YEATS2: variants seen among roughly 807,000 people sequenced by gnomAD.
YEATS2 encodes YEATS domain-containing protein 2.
YEATS2 carries 77 observed loss-of-function variants against 163.2 expected under a neutral mutation model. The ratio of observed to expected loss-of-function variants is 0.47; its 90% CI spans 0.39 to 0.57. The LOEUF (loss-of-function observed/expected upper bound fraction) is 0.57. YEATS2 is among the 20% of genes least tolerant of loss of function. The pLI is 0.00. For synonymous variants in YEATS2, 631 were observed against 645.1 expected (o/e 0.98, Z 0.33); for missense variants, 1,549 against 1,729.8 (o/e 0.90, Z 1.85).
At chr3:183,726,962 T>G (rs1717173197) in intron 6 of YEATS2, among the ~76,000 whole-genome samples, 1 of 152,072 alleles carries the variant, frequency 6.6e-6, no homozygotes, top group Non-Finnish European at 1.5e-5. Context: ...CCGCCACACC[T>G]GGATAATTTT....
intron 8 of YEATS2, among the ~76,000 whole-genome samples, chr3:183,745,648 A>C (rs1719452511): frequency 6.6e-6 from 1 of 152,162 alleles, no homozygotes; most frequent in African/African-American, 2.4e-5. Flanking sequence ...TAAATATTAG[A>C]GTTACATAAA....
chr3:183,767,659 G>T (rs1722041822), intron 15 of YEATS2, among the ~76,000 whole-genome samples: 1 of 152,242 alleles, frequency 6.6e-6, no homozygotes, highest in Non-Finnish European at 1.5e-5. Context: ...AGGATTACAG[G>T]TGTGAGCCAT....
intron 1 of YEATS2, among the ~76,000 whole-genome samples, chr3:183,707,044 C>T (rs1166367288): frequency 2.0e-5 from 3 of 152,086 alleles, no homozygotes; most frequent in Non-Finnish European, 4.4e-5. Flanking sequence ...ATTTATGAAG[C>T]GTAAATGAAT....
intron 23 of YEATS2, 50 bp downstream of exon 23, chr3:183,799,039 AT>A: frequency 7.2e-7 from 1 of 1,398,256 alleles, no homozygotes; most frequent in Non-Finnish European, 1.0e-6. Flanking sequence ...TTACTTTTTT[AT>A]TGTCGTTCAC....
chr3:183,760,148 C>G (rs1395930169), intron 13 of YEATS2, among the ~76,000 whole-genome samples: 2 of 152,110 alleles, frequency 1.3e-5, no homozygotes, highest in East Asian at 3.8e-4. Flanking sequence ...ATATGAATGT[C>G]TGAATTATAG....
intron 9 of YEATS2, among the ~76,000 whole-genome samples, chr3:183,747,940 T>G (rs1178707921): frequency 1.3e-5 from 2 of 151,502 alleles, no homozygotes; most frequent in Non-Finnish European, 2.9e-5. Flanking sequence ...CCACCATGCC[T>G]GGCTAATTTT....
intron 7 of YEATS2, among the ~76,000 whole-genome samples, chr3:183,734,517 G>A (rs150994276): frequency 8.5e-4 from 129 of 152,334 alleles, no homozygotes; most frequent in Admixed American, 1.4e-3. Context: ...TGCTACTGCT[G>A]TTGTGAGGAA....
intron 7 of YEATS2, among the ~76,000 whole-genome samples, chr3:183,734,413 T>C (rs1479948472): frequency 6.6e-6 from 1 of 151,914 alleles, no homozygotes; most frequent in African/African-American, 2.4e-5. Context: ...TTTCATAGAG[T>C]GGTTGTAAGG....
intron 7 of YEATS2, among the ~76,000 whole-genome samples, chr3:183,735,087 C>T (rs528425051): frequency 1.8e-4 from 27 of 152,286 alleles, no homozygotes; most frequent in Admixed American, 6.5e-5. Flanking sequence ...TGTCTGTCTT[C>T]TCTGGCAGCA....
intron 9 of YEATS2, among the ~76,000 whole-genome samples, chr3:183,748,257 CTTTTT>C (rs1232220476): frequency 7.4e-6 from 1 of 135,438 alleles, no homozygotes; most frequent in Non-Finnish European, 1.6e-5. Flanking sequence ...CCTTCCCCTC[CTTTTT>C]TTTTTTTTTT....
chr3:183,765,369 A>C (rs980392878), intron 15 of YEATS2, among the ~76,000 whole-genome samples: 1 of 152,186 alleles, frequency 6.6e-6, no homozygotes, highest in Admixed American at 6.6e-5. Flanking sequence ...TCCTCCAGTG[A>C]TGCTGAACAA....
chr3:183,775,240 C>A (rs982518991), intron 17 of YEATS2, among the ~76,000 whole-genome samples: 1 of 152,194 alleles, frequency 6.6e-6, no homozygotes, highest in African/African-American at 2.4e-5. Flanking sequence ...AATTCCCTGA[C>A]ATTGAATCAG....
At chr3:183,720,689 G>A (rs1434413610) in intron 4 of YEATS2, among the ~76,000 whole-genome samples, 2 of 152,018 alleles carry the variant, frequency 1.3e-5, no homozygotes, top group African/African-American at 4.8e-5. Context: ...ATTTTCCTAG[G>A]GCTACCATAA....
intron 11 of YEATS2, among the ~76,000 whole-genome samples, chr3:183,756,076 T>C (rs1720735483): frequency 6.6e-6 from 1 of 152,122 alleles, no homozygotes; most frequent in African/African-American, 2.4e-5. Flanking sequence ...TTTAGTGTCT[T>C]CGAGTATAAC....
chr3:183,800,855 C>T, intron 24 of YEATS2: 1 of 306,322 alleles, frequency 3.3e-6, no homozygotes, highest in African/African-American at 2.1e-5. Flanking sequence ...TCTGCTGAGC[C>T]CGTAGGCACA....
chr3:183,795,271 T>A (rs961261114), intron 21 of YEATS2, among the ~76,000 whole-genome samples: 1 of 151,534 alleles, frequency 6.6e-6, no homozygotes, highest in African/African-American at 2.4e-5. Context: ...CTACAACATA[T>A]ACATTCCTTT....
intron 15 of YEATS2, among the ~76,000 whole-genome samples, chr3:183,763,225 A>AG (rs1355199643): frequency 2.0e-5 from 3 of 152,176 alleles, no homozygotes; most frequent in African/African-American, 4.8e-5. Context: ...AGAATAGCTA[A>AG]CTACACACTT....
intron 8 of YEATS2, 38 bp downstream of exon 8, chr3:183,736,867 T>C: frequency 6.4e-7 from 1 of 1,558,720 alleles, no homozygotes; most frequent in Non-Finnish European, 8.8e-7. Flanking sequence ...TTTTGAAGTC[T>C]CTTTTTACCA....
chr3:183,708,811 C>G (rs1018023587), intron 1 of YEATS2, among the ~76,000 whole-genome samples: 1 of 152,132 alleles, frequency 6.6e-6, no homozygotes, highest in Admixed American at 6.6e-5. Context: ...TTGCAGTGAG[C>G]TATGCTTGTG....
Sources: gnomAD v4.1 joint callset for allele counts (sites outside exome capture counted in the v4.1 genomes callset) on GRCh38, gnomAD v4.1.1 for gene constraint, MANE v1.5 for transcripts, NCBI Gene and HGNC (gene_info 2026-07-23, HGNC 2026-07-21) for gene names.